ZNF786: variants seen among roughly 807,000 people sequenced by gnomAD.
ZNF786 encodes the protein zinc finger protein 786.
Under a neutral mutation model 63.1 loss-of-function variants are expected in ZNF786, and 56 were observed. The observed-to-expected ratio is 0.89, with a 90% CI of 0.72 to 1.11. ZNF786 has a LOEUF of 1.11. Among genes scored for constraint, ZNF786 ranks in the 50% least tolerant of loss-of-function variants. ZNF786 has a pLI of 0.00. For synonymous variants in ZNF786, 485 were observed against 406.9 expected (o/e 1.19, Z -2.31); for missense variants, 1,213 against 1,041.8 (o/e 1.16, Z -2.26).
intron 2 of ZNF786, among the ~76,000 whole-genome samples, chr7:149,075,448 G>A (rs1465294147): frequency 6.6e-6 from 1 of 151,674 alleles, no homozygotes; most frequent in Non-Finnish European, 1.5e-5. Context: ...TCACTATGTT[G>A]CCCAGGCTAA....
rs1585458756 is a variant in ZNF786 at position 149,070,886 on chromosome 7, C to A, written c.1886G>T (p.Arg629Leu). 4 of 1,613,212 alleles carry A rather than the reference C, an allele frequency of 2.5e-6. No individual in the cohort carries two copies. In the East Asian group the frequency reaches 8.9e-5, roughly 36 times the overall value. Reference protein sequence around the residue: ...RPFQCPECDKRYRVKADMKAH... With the variant: ...RPFQCPECDKLYRVKADMKAH... Reference sequence around the variant, plus strand: ...CTTCATGTCGGCCTTCACGCGATAGCGCTTGTCGCACTCCGGACACTGGAA... The same window carrying A: ...CTTCATGTCGGCCTTCACGCGATAGAGCTTGTCGCACTCCGGACACTGGAA... The change falls in exon 4 of 4, where the codon CGC (arginine) becomes CTC (leucine). Residue 629 changes from arginine to leucine, a missense_variant. Arg to Leu is a moderately radical substitution (Grantham distance 102). Transcript: ENST00000491431.
At chr7:149,076,167 T>C (rs111287116) in intron 2 of ZNF786, among the ~76,000 whole-genome samples, 3,290 of 151,898 alleles carry the variant, frequency 0.022, 40 homozygotes, top group Middle Eastern at 0.034. Context: ...CAGGCTGGAG[T>C]ACAATGGCGC....
chr7:149,079,859 G>A (rs1337906472), intron 2 of ZNF786, among the ~76,000 whole-genome samples: 1 of 146,252 alleles, frequency 6.8e-6, no homozygotes, highest in Non-Finnish European at 1.5e-5. Context: ...GTGAGCCACC[G>A]CGCCCAGCAG....
intron 1 of ZNF786, 29 bp downstream of exon 1, chr7:149,090,594 C>T: frequency 1.3e-6 from 2 of 1,566,602 alleles, no homozygotes; most frequent in South Asian, 2.3e-5. Flanking sequence ...ACCCCGAAAC[C>T]GGGCGTCCAA....
In ZNF786 at chr7:149,071,790, C is replaced by T. The variant is rs1225248890; in HGVS notation, c.982G>A (p.Glu328Lys). 1.3e-6 allele frequency: 2 copies of T among 1,582,744 alleles called. No individual in the cohort carries two copies. Among genetic ancestry groups the T allele is most frequent in the Non-Finnish European group, 1.7e-6 (2 of 1,169,400 alleles). ...HSREGPASWR[E>K]GRGASSSVHS... is the part of the protein sequence containing the mutation. ...ACACTGCTGGAGGCCCCGCGGCCTT[C>T]TCTCCAAGAGGCCGGCCCCTCCCGG... is the stretch of plus-strand genomic sequence containing the variant. The change falls in exon 4 of 4, where the codon GAA becomes AAA. Residue 328 changes from glutamate (E) to lysine (K), a missense_variant. Physicochemically the swap from Glu to Lys is moderately conservative, Grantham distance 56 (BLOSUM62 1). Transcript: ENST00000491431.
intron 3 of ZNF786, among the ~76,000 whole-genome samples, chr7:149,073,827 C>T (rs1354773087): frequency 7.0e-6 from 1 of 143,776 alleles, no homozygotes; most frequent in African/African-American, 2.6e-5. Context: ...TGCTCCATCG[C>T]CCAGGCTGGA....
chr7:149,084,853 C>A (rs191066197), intron 1 of ZNF786, among the ~76,000 whole-genome samples: 1 of 152,108 alleles, frequency 6.6e-6, no homozygotes, highest in African/African-American at 2.4e-5. Context: ...GTCTTCATCA[C>A]GAAATCTTTG....
At position 149,070,601 on chromosome 7, in the gene ZNF786, C is replaced by A; in HGVS notation, c.2171G>T (p.Arg724Leu). Reference protein sequence around the residue: ...RERGHMLRHQRIHRPERPFAC... With the variant: ...RERGHMLRHQLIHRPERPFAC... Reference sequence around the variant, plus strand: ...AAAGGGCCTCTCGGGCCTGTGGATGCGCTGGTGCCTCAGCATGTGTCCCCT... The same window carrying A: ...AAAGGGCCTCTCGGGCCTGTGGATGAGCTGGTGCCTCAGCATGTGTCCCCT... Residue 724 changes from arginine (R) to leucine (L), a missense_variant, in exon 4 of 4, where the codon CGC becomes CTC. Physicochemically the swap from Arg to Leu is moderately radical, Grantham distance 102. Transcript: ENST00000491431. 6.2e-7 allele frequency: 1 copy of A among 1,614,002 alleles called. No homozygotes were observed. The highest frequency in any genetic ancestry group is 8.5e-7 in the Non-Finnish European group (1 of 1,179,902).
intron 2 of ZNF786, among the ~76,000 whole-genome samples, chr7:149,075,655 G>GTTT (rs1165713050): frequency 0.46 from 31,634 of 69,242 alleles, 13,283 homozygotes; most frequent in East Asian, 0.69. Context: ...CACACTTCAG[G>GTTT]TTTTTTTTTT....
chr7:149,070,806 C>T lies in ZNF786; in HGVS notation c.1966G>A (p.Gly656Ser). ...EMPFSCECGK[G>S]FVKHSKLIEH... ...ATGAGCTTTGAGTGTTTCACAAAGC[C>T]CTTGCCGCACTCACAGGAGAAAGGC... The change falls in exon 4 of 4, where the codon GGC becomes AGC. Residue 656 changes from glycine (G) to serine (S), a missense_variant. Gly to Ser is a moderately conservative substitution (Grantham distance 56, BLOSUM62 0). Coordinates refer to ENST00000491431, the MANE Select transcript of ZNF786 (RefSeq NM_152411.4). The T allele has an allele frequency of 6.2e-7, 1 of 1,613,762 alleles. No individual in the cohort carries two copies. The highest frequency in any genetic ancestry group is 8.5e-7 in the Non-Finnish European group (1 of 1,179,910).
intron 1 of ZNF786, chr7:149,082,582 T>A: frequency 1.3e-6 from 1 of 779,046 alleles, no homozygotes; most frequent in Non-Finnish European, 1.5e-6. Context: ...TGTTCCAACT[T>A]AAATTTTTTT....
chr7:149,070,569 C>T lies in ZNF786; in HGVS notation c.2203G>A (p.Gly735Ser). The change falls in exon 4 of 4, where the codon GGC becomes AGC. Residue 735 changes from glycine (G) to serine (S), a missense_variant. Gly to Ser is a moderately conservative substitution (Grantham distance 56). Transcript: ENST00000491431. ...IHRPERPFAC[G>S]DCGKGFIYKS... ...TAAATGAAGCCCTTCCCACAATCGC[C>T]ACAGGCAAAGGGCCTCTCGGGCCTG... 1 of 1,614,042 alleles carries T rather than the reference C, an allele frequency of 6.2e-7. No individual in the cohort carries two copies. Among genetic ancestry groups the T allele is most frequent in the South Asian group, 1.1e-5 (1 of 91,082 alleles).
At chr7:149,078,773 C>T (rs1358399464) in intron 2 of ZNF786, among the ~76,000 whole-genome samples, 1 of 151,914 alleles carries the variant, frequency 6.6e-6, no homozygotes, top group Non-Finnish European at 1.5e-5. Flanking sequence ...CTGTTGTCAA[C>T]TGGCAGAAGA....
Position 149,072,004 on chromosome 7 carries a change from C to T in ZNF786, c.768G>A (p.Leu256=). The T allele has an allele frequency of 2.5e-6, 4 of 1,612,938 alleles. No individual in the cohort carries two copies. Among genetic ancestry groups the T allele is most frequent in the South Asian group, 2.2e-5 (2 of 91,086 alleles). ...GKSFRRKLCL[L]RHLAAHTGRG... ...TCCCCGTGTGGGCCGCCAGATGGCG[C>T]AGCAGACACAGCTTCCGGCGGAAGC... Residue 256 remains leucine, a synonymous_variant, in exon 4 of 4, where the codon CTG becomes CTA. Transcript: ENST00000491431.
chr7:149,089,966 C>A (rs1031535781), intron 1 of ZNF786, among the ~76,000 whole-genome samples: 1 of 152,018 alleles, frequency 6.6e-6, no homozygotes, highest in Non-Finnish European at 1.5e-5. Context: ...CCACCCGCCT[C>A]GGCCTCCCAA....
chr7:149,073,775 A>ATG (rs1166404221), intron 3 of ZNF786, among the ~76,000 whole-genome samples: 2 of 102,864 alleles, frequency 1.9e-5, no homozygotes, highest in Non-Finnish European at 3.8e-5. Flanking sequence ...ATATATATAT[A>ATG]TATATGTATA....
intron 2 of ZNF786, among the ~76,000 whole-genome samples, chr7:149,079,252 C>A (rs984926843): frequency 1.3e-5 from 2 of 151,742 alleles, no homozygotes; most frequent in Non-Finnish European, 2.9e-5. Context: ...ACTAAAAATA[C>A]AAAAAAATTA....
intron 3 of ZNF786, among the ~76,000 whole-genome samples, chr7:149,073,768 T>C (rs1254302304): frequency 4.4e-5 from 5 of 113,172 alleles, no homozygotes; most frequent in African/African-American, 1.6e-4. Flanking sequence ...TATATATATA[T>C]ATATATATAT....
At chr7:149,077,489 G>A (rs1008290319) in intron 2 of ZNF786, among the ~76,000 whole-genome samples, 9 of 152,084 alleles carry the variant, frequency 5.9e-5, no homozygotes, top group Admixed American at 1.3e-4. Context: ...TTAGCCAGGC[G>A]TGGTGGCGGG....
Sources: gnomAD v4.1 joint callset for allele counts (sites outside exome capture counted in the v4.1 genomes callset) on GRCh38, gnomAD v4.1.1 for gene constraint, MANE v1.5 for transcripts, NCBI Gene and HGNC (gene_info 2026-07-23, HGNC 2026-07-21) for gene names.